Variants in EFHC1 observed in about 807,000 individuals in gnomAD.
EFHC1 encodes the protein EF-hand domain-containing protein 1.
A neutral mutation model predicts 69.9 loss-of-function variants in EFHC1; 53 were observed. That is an observed-to-expected ratio of 0.76 (90% CI 0.61 to 0.95). The LOEUF (loss-of-function observed/expected upper bound fraction) is 0.95, where lower values mean the gene tolerates loss of function less well. EFHC1 is among the 40% of genes least tolerant of loss of function. The pLI is 0.00. For synonymous variants in EFHC1, 256 were observed against 278.4 expected, an observed-to-expected ratio of 0.92 and a Z score of 0.80; for missense variants, 739 against 798.7, an observed-to-expected ratio of 0.93 and a Z score of 0.90.
intron 7 of EFHC1, among the ~76,000 whole-genome samples, chr6:52,471,728 C>T (rs1765439503): frequency 2.0e-5 from 3 of 151,948 alleles, no homozygotes; most frequent in Non-Finnish European, 4.4e-5. Context: ...ATTAGCCAGG[C>T]ATGGTGGCAT....
intron 3 of EFHC1, among the ~76,000 whole-genome samples, chr6:52,439,697 T>C (rs1338614011): frequency 6.6e-6 from 1 of 152,084 alleles, no homozygotes; most frequent in African/African-American, 2.4e-5. Flanking sequence ...GATCAGAGAA[T>C]GCCTCAGTGA....
chr6:52,453,951 C>CT (rs771235398), intron 4 of EFHC1, 144 bp from the exon 5 acceptor site: 421 of 1,511,334 alleles, frequency 2.8e-4, no homozygotes, highest in East Asian at 6.4e-4. Context: ...ATGAATATTT[C>CT]TTTTTTTTTC....
At chr6:52,480,905 G>A (rs1392129745) in intron 9 of EFHC1, among the ~76,000 whole-genome samples, 1 of 151,684 alleles carries the variant, frequency 6.6e-6, no homozygotes, top group Non-Finnish European at 1.5e-5. Flanking sequence ...GGACTTACTA[G>A]GTCTTTGGAA....
intron 6 of EFHC1, among the ~76,000 whole-genome samples, chr6:52,466,158 A>C (rs1765302516): frequency 1.3e-5 from 2 of 152,234 alleles, no homozygotes; most frequent in Non-Finnish European, 2.9e-5. Context: ...ACACCCATTC[A>C]TAAAAGACTA....
chr6:52,455,613 C>T (rs1317080833), intron 5 of EFHC1, among the ~76,000 whole-genome samples: 1 of 151,234 alleles, frequency 6.6e-6, no homozygotes, highest in East Asian at 2.0e-4. Context: ...AAGATCGTGC[C>T]ACTGCACTCC....
Position 52,494,251 on chromosome 6 carries a change from TAGA to T in EFHC1, c.*1913_*1915del, listed in dbSNP as rs1765988842. On this transcript the variant is annotated 3_prime_UTR_variant, in exon 11 of 11. Coordinates refer to ENST00000371068, the MANE Select transcript of EFHC1 (RefSeq NM_018100.4). ...TGAAAGTTGGGGACTATCTGTATTT[TAGA>T]AGTTTTTTCAGCTTAAAAATTACCA... 2.2e-6 allele frequency: 1 copy of T among 454,034 alleles called. No individual in the cohort carries two copies. Among genetic ancestry groups the T allele is most frequent in the South Asian group, 1.6e-5 (1 of 64,486 alleles). 28.1% of individuals were successfully genotyped at this position (454,034 alleles called of 1,614,324 possible). A position where few individuals can be genotyped will look rare whatever the true frequency, so the allele number is the denominator to read the frequency against.
At chr6:52,447,623 G>T (rs912213632) in intron 3 of EFHC1, among the ~76,000 whole-genome samples, 1 of 152,192 alleles carries the variant, frequency 6.6e-6, no homozygotes. Flanking sequence ...GAGGAGCTGC[G>T]TTCCTTTGGA....
intron 6 of EFHC1, 158 bp from the exon 7 acceptor site, chr6:52,469,175 T>C: frequency 1.1e-6 from 1 of 897,896 alleles, no homozygotes; most frequent in Non-Finnish European, 1.7e-6. Flanking sequence ...AGGAAGGGGA[T>C]AAGTGATATG....
intron 5 of EFHC1, among the ~76,000 whole-genome samples, chr6:52,464,464 G>T (rs780505225): frequency 6.6e-6 from 1 of 152,178 alleles, no homozygotes; most frequent in Non-Finnish European, 1.5e-5. Flanking sequence ...GTATTTAGCA[G>T]TGTACCTAGT....
chr6:52,484,244 T>C (rs1394593910), intron 9 of EFHC1: 1 of 152,222 alleles, frequency 6.6e-6, no homozygotes, highest in African/African-American at 2.4e-5. Flanking sequence ...CTTCCGGGTC[T>C]TGAGACACCT....
chr6:52,460,343 A>T (rs964707105), intron 5 of EFHC1, among the ~76,000 whole-genome samples: 11 of 152,228 alleles, frequency 7.2e-5, no homozygotes, highest in African/African-American at 2.7e-4. Flanking sequence ...TAAGCAAAAT[A>T]GATCAGTGAT....
At chr6:52,452,605 A>G in intron 3 of EFHC1, 83 bp from the exon 4 acceptor site, 18 of 1,519,350 alleles carry the variant, frequency 1.2e-5, no homozygotes, top group Non-Finnish European at 1.6e-5. Flanking sequence ...CCTGGCCCAT[A>G]CACTTATTTT....
At chr6:52,422,488 A>G in intron 1 of EFHC1, among the ~76,000 whole-genome samples, 1 of 152,204 alleles carries the variant, frequency 6.6e-6, no homozygotes, top group East Asian at 1.9e-4. Flanking sequence ...TACAGTTTAT[A>G]ACCCTTTTAG....
chr6:52,444,527 T>C (rs1340557094), intron 3 of EFHC1, among the ~76,000 whole-genome samples: 1 of 152,230 alleles, frequency 6.6e-6, no homozygotes, highest in Non-Finnish European at 1.5e-5. Flanking sequence ...AAAGGCCTTT[T>C]CTGCATCTAT....
intron 2 of EFHC1, 51 bp downstream of exon 2, chr6:52,424,218 C>A: frequency 6.4e-7 from 1 of 1,550,970 alleles, no homozygotes; most frequent in Non-Finnish European, 8.8e-7. Context: ...TGAGAGCCAA[C>A]TGCTTGCAAA....
chr6:52,452,122 C>A (rs978471418), intron 3 of EFHC1, among the ~76,000 whole-genome samples: 8 of 152,148 alleles, frequency 5.3e-5, no homozygotes, highest in Non-Finnish European at 1.0e-4. Flanking sequence ...CATTGTGCCT[C>A]CCAACTAGCT....
rs1334644251 is a variant in EFHC1, at chr6:52,454,173, C to T, written c.802C>T (p.Leu268Phe). Residue 268 changes from leucine (L) to phenylalanine (F), a missense_variant, in exon 5 of 11, where the codon CTT becomes TTT. Coordinates refer to ENST00000371068, the MANE Select transcript of EFHC1 (RefSeq NM_018100.4). ...TCGGACCTACATCATTCATTACTAT[C>T]TTATGGATGATACGGTGGAAATTCG... is the stretch of plus-strand genomic sequence containing the variant. ...ECRTYIIHYY[L>F]MDDTVEIREV... The T allele has an allele frequency of 6.2e-7, 1 of 1,614,116 alleles. No individual in the cohort carries two copies. The highest frequency in any genetic ancestry group is 1.1e-5 in the South Asian group (1 of 91,082).
intron 6 of EFHC1, among the ~76,000 whole-genome samples, chr6:52,467,928 A>G (rs1300911991): frequency 2.6e-5 from 4 of 152,220 alleles, no homozygotes; most frequent in Non-Finnish European, 5.9e-5. Flanking sequence ...AGGAATTTGT[A>G]GCAGAGTCTA....
intron 5 of EFHC1, among the ~76,000 whole-genome samples, chr6:52,463,673 TTTG>T: frequency 6.6e-6 from 1 of 152,186 alleles, no homozygotes; most frequent in East Asian, 1.9e-4. Context: ...GAAAAAATAA[TTTG>T]TTGAGCAAAC....
Sources: gnomAD v4.1 joint callset for allele counts (sites outside exome capture counted in the v4.1 genomes callset) on GRCh38, gnomAD v4.1.1 for gene constraint, MANE v1.5 for transcripts, NCBI Gene and HGNC (gene_info 2026-07-23, HGNC 2026-07-21) for gene names.